GPI: variants seen among roughly 807,000 people sequenced by gnomAD.
The protein encoded by GPI is glucose-6-phosphate isomerase, also known as D-hexose-6-phosphate anomerase.
A neutral mutation model predicts 75.8 loss-of-function variants in GPI; 56 were observed. The ratio of observed to expected loss-of-function variants is 0.74; its 90% confidence interval spans 0.60 to 0.92. GPI has a LOEUF of 0.92. Ranked by LOEUF, GPI falls within the 40% of genes least tolerant of loss-of-function variation. The pLI is 0.00. For missense variants in GPI, 638 were observed against 741.0 expected, an observed-to-expected ratio of 0.86 and a Z score of 1.61; for synonymous variants, 288 against 285.4, an observed-to-expected ratio of 1.01 and a Z score of -0.09.
Position 34,400,403 on chromosome 19 carries a change from A to G in GPI, c.*367A>G. 1.7e-6 allele frequency: 1 copy of G among 595,146 alleles called. No homozygotes were observed. The highest frequency in any genetic ancestry group is 2.1e-5 in the South Asian group (1 of 48,302). 36.9% of individuals were successfully genotyped at this position (595,146 alleles called of 1,614,324 possible). ...GTAGCAGAGGGCAGGAGCGCTCAGCAGGACGCAGGCTGTGCCTCTGCGGAC... is the reference window on the plus strand; with the variant it reads ...GTAGCAGAGGGCAGGAGCGCTCAGCGGGACGCAGGCTGTGCCTCTGCGGAC... On this transcript the variant is annotated 3_prime_UTR_variant, in exon 18 of 18. Coordinates refer to ENST00000356487, the MANE Select transcript of GPI (RefSeq NM_000175.5).
In GPI at chr19:34,398,928, A is replaced by G; in HGVS notation, c.1270-279A>G. ...CACCATGTTGGTCAGGCTGGTCTCG[A>G]GCTCCTGACCTCGTGGTCCATCCGC... On this transcript the variant is annotated intron_variant, in intron 14 of 17. Coordinates refer to ENST00000356487, the MANE Select transcript of GPI (RefSeq NM_000175.5). 6.7e-6 allele frequency: 2 copies of G among 298,624 alleles called. 1 individual carries two copies. Among genetic ancestry groups the G allele is most frequent in the South Asian group, 7.1e-5 (2 of 28,268 alleles). The allele number at this position is 298,624 out of a possible 1,614,324, so 18.5% of individuals were successfully genotyped here. A position where few individuals can be genotyped will look rare whatever the true frequency, so the allele number is the denominator to read the frequency against.
chr19:34,395,359 G>A (rs565403363), intron 12 of GPI, among the ~76,000 whole-genome samples: 1 of 151,278 alleles, frequency 6.6e-6, no homozygotes, highest in Non-Finnish European at 1.5e-5. Flanking sequence ...AGTGAGGCCC[G>A]GTCTCTACAA....
Position 34,379,014 on chromosome 19 carries a change from G to A in GPI, c.705+9G>A. The A allele has an allele frequency of 6.2e-7, 1 of 1,611,596 alleles. No homozygotes were observed. The highest frequency in any genetic ancestry group is 8.5e-7 in the Non-Finnish European group (1 of 1,177,640). Reference sequence around the variant, plus strand: ...TCCAGGCGGCCAAGGATGTGAGTGGGCTATAGGGCCTTCCTCGTGGTTAGC... The same window carrying A: ...TCCAGGCGGCCAAGGATGTGAGTGGACTATAGGGCCTTCCTCGTGGTTAGC... On this transcript the variant is annotated intron_variant, in intron 7 of 17. Transcript: ENST00000356487.
chr19:34,365,567 C>T (rs1352336952), intron 1 of GPI, 179 bp downstream of exon 1: 1 of 1,066,016 alleles, frequency 9.4e-7, no homozygotes, highest in Non-Finnish European at 1.4e-6. Context: ...GGAGTGCGTT[C>T]CTGGGGGCTT....
At position 34,377,097 on chromosome 19, in the gene GPI, TC is replaced by T. The variant is rs373381287; in HGVS notation, c.403-405del. ...GCGGGCAGATCACAGGGTCAGGAGATCGAGACCATCCTGGCTAACACGGTGA... is the reference window on the plus strand; with the variant it reads ...GCGGGCAGATCACAGGGTCAGGAGATGAGACCATCCTGGCTAACACGGTGA... On this transcript the variant is annotated intron_variant, in intron 4 of 17. Transcript: ENST00000356487. Among the ~76,000 whole-genome samples, 170 of 150,746 alleles carry T rather than the reference TC, an allele frequency of 1.1e-3. 3 individuals carry two copies. The East Asian group carries it at 0.024, about 22-fold the overall frequency.
In GPI at chr19:34,393,845, C is replaced by T. The variant is rs2074903778; in HGVS notation, c.910-69C>T. On this transcript the variant is annotated intron_variant, in intron 11 of 17. Transcript: ENST00000356487. This position sits in a 1 kb window ranked among gnomAD's most constrained non-coding sequence, Gnocchi z 4.4. ...TGTTGGTCCTGGTCCCCCGCTTTCT[C>T]CCCCACTGTCCTGTCCCTCCCCTCC... 1.2e-6 allele frequency: 2 copies of T among 1,601,850 alleles called. No individual in the cohort carries two copies. Among genetic ancestry groups the T allele is most frequent in the African/African-American group, 1.3e-5 (1 of 74,664 alleles).
At chr19:34,388,205 A>G (rs1483206329) in intron 9 of GPI, among the ~76,000 whole-genome samples, 4 of 152,182 alleles carry the variant, frequency 2.6e-5, no homozygotes, top group African/African-American at 9.7e-5. Context: ...TGCCAGGCGC[A>G]GTGGCTCACG....
chr19:34,393,833 C>T lies in GPI; in HGVS notation c.909+62C>T, dbSNP rs976102714. 1.2e-6 allele frequency: 2 copies of T among 1,602,012 alleles called. No homozygotes were observed. The highest frequency in any genetic ancestry group is 1.7e-6 in the Non-Finnish European group (2 of 1,170,486). On this transcript the variant is annotated intron_variant, in intron 11 of 17. Coordinates refer to ENST00000356487, the MANE Select transcript of GPI (RefSeq NM_000175.5). This position sits in a 1 kb window ranked among gnomAD's most constrained non-coding sequence, Gnocchi z 4.4. ...CAGAGGCGCGTGTGTTGGTCCTGGT[C>T]CCCCGCTTTCTCCCCCACTGTCCTG...
intron 2 of GPI, 60 bp from the exon 3 acceptor site, chr19:34,366,723 G>T: frequency 1.7e-6 from 2 of 1,154,114 alleles, no homozygotes; most frequent in Non-Finnish European, 2.6e-6. Flanking sequence ...TGTGTTTGGG[G>T]GCTGACACTT....
chr19:34,381,387 C>T (rs1245727699), intron 8 of GPI, 79 bp from the exon 9 acceptor site: 2 of 951,094 alleles, frequency 2.1e-6, no homozygotes, highest in African/African-American at 3.2e-5. Flanking sequence ...GCACAGCTCC[C>T]TGCCTCCCGG....
intron 12 of GPI, 26 bp downstream of exon 12, chr19:34,394,092 G>GC (rs761039004): frequency 6.3e-7 from 1 of 1,592,420 alleles, no homozygotes; most frequent in East Asian, 2.2e-5. Context: ...CCAGGCCTTG[G>GC]AGTCAGCAAG....
At chr19:34,373,831 T>C (rs145134823) in intron 4 of GPI, among the ~76,000 whole-genome samples, 1 of 152,358 alleles carries the variant, frequency 6.6e-6, no homozygotes, top group East Asian at 1.9e-4. Flanking sequence ...AGTGCTGCCT[T>C]TGGGAGGCAC....
chr19:34,381,468 C>G lies in GPI; in HGVS notation c.753C>G (p.Thr251=). 1 of 1,602,964 alleles carries G rather than the reference C, an allele frequency of 6.2e-7. No homozygotes were observed. Among genetic ancestry groups the G allele is most frequent in the Non-Finnish European group, 8.5e-7 (1 of 1,170,310 alleles). The change falls in exon 9 of 18, where the codon ACC becomes ACG. Residue 251 remains threonine, a splice_region_variant and synonymous_variant. Transcript: ENST00000356487. ...KHFVALSTNT[T]KVKEFGIDPQ... is the part of the protein sequence containing the mutation. Reference sequence around the variant, plus strand: ...TCCCTTTGTTTTTTTTTTTGTAGACCAAAGTGAAGGAGTTTGGAATTGACC... The same window carrying G: ...TCCCTTTGTTTTTTTTTTTGTAGACGAAAGTGAAGGAGTTTGGAATTGACC...
In GPI at chr19:34,366,331, C is replaced by A. The variant is rs764711659; in HGVS notation, c.123-14C>A. ...GACCAGGGTGTGGTCAGCAGCATCT[C>A]CATCTTTCTGCAGCTTGACCCTCAA... On this transcript the variant is annotated splice_polypyrimidine_tract_variant and intron_variant, in intron 1 of 17. Coordinates refer to ENST00000356487, the MANE Select transcript of GPI (RefSeq NM_000175.5). The A allele has an allele frequency of 3.9e-6, 6 of 1,556,406 alleles. No homozygotes were observed. Among genetic ancestry groups the A allele is most frequent in the Non-Finnish European group, 5.3e-6 (6 of 1,127,222 alleles).
At chr19:34,395,375 A>C (rs954495369) in intron 12 of GPI, among the ~76,000 whole-genome samples, 14 of 151,476 alleles carry the variant, frequency 9.2e-5, no homozygotes, top group South Asian at 2.1e-4. Context: ...TACAAAAAAA[A>C]CCCACAAAAA....
chr19:34,368,595 C>T lies in GPI; in HGVS notation c.295C>T (p.Leu99=). The change falls in exon 4 of 18, where the codon CTG becomes TTG. Residue 99 remains leucine (L), a synonymous_variant. Coordinates refer to ENST00000356487, the MANE Select transcript of GPI (RefSeq NM_000175.5). The stretch of plus-strand genomic sequence containing the variant: ...CCGTAATCCCCAGGGTCGAGCCGTG[C>T]TGCACGTGGCTCTGCGGAACCGGTC... ...KINYTEGRAV[L]HVALRNRSNT... 6.2e-7 allele frequency: 1 copy of T among 1,614,142 alleles called. No homozygotes were observed. The highest frequency in any genetic ancestry group is 8.5e-7 in the Non-Finnish European group (1 of 1,179,990).
chr19:34,381,040 C>T (rs1397188424), intron 8 of GPI: 2 of 324,936 alleles, frequency 6.2e-6, no homozygotes, highest in Admixed American at 8.4e-5. Context: ...GCTGTTCAGC[C>T]TGTGTTTGTT....
In GPI at chr19:34,396,436, C is replaced by T. The variant is rs754085794; in HGVS notation, c.1192+6C>T. 13 of 1,614,072 alleles carry T rather than the reference C, an allele frequency of 8.1e-6. No homozygotes were observed. The highest frequency in any genetic ancestry group is 1.1e-5 in the Non-Finnish European group (13 of 1,179,926). On this transcript the variant is annotated splice_donor_region_variant and intron_variant, in intron 13 of 17. Coordinates refer to ENST00000356487, the MANE Select transcript of GPI (RefSeq NM_000175.5). ...TTACCAGCTCATCCACCAAGGTAGG[C>T]CCCTGTGGCCTGGGAAGGGTGATGT...
intron 4 of GPI, among the ~76,000 whole-genome samples, chr19:34,372,094 C>G (rs148506432): frequency 6.6e-6 from 1 of 151,764 alleles, no homozygotes; most frequent in Non-Finnish European, 1.5e-5. Context: ...CCACACCCAG[C>G]TAATTTTTGT....
Sources: gnomAD v4.1 joint callset for allele counts (sites outside exome capture counted in the v4.1 genomes callset) on GRCh38, gnomAD v4.1.1 for gene constraint, Gnocchi (gnomAD v3.1) non-coding constraint, MANE v1.5 for transcripts, NCBI Gene and HGNC (gene_info 2026-07-23, HGNC 2026-07-21) for gene names.